CABCOCO1: variants seen among roughly 807,000 people sequenced by gnomAD.
CABCOCO1 encodes the protein ciliary associated calcium binding coiled-coil 1.
A neutral mutation model predicts 35.7 loss-of-function variants in CABCOCO1; 28 were observed. That is an observed-to-expected ratio of 0.78 (90% confidence interval 0.58 to 1.07). The LOEUF is 1.07. Among genes scored for constraint, CABCOCO1 ranks in the 50% least tolerant of loss-of-function variants. CABCOCO1 has a pLI of 0.00. For missense variants in CABCOCO1, 326 were observed against 309.2 expected (o/e 1.05, Z -0.41); for synonymous variants, 95 against 100.1 (o/e 0.95, Z 0.30).
chr10:61,730,616 G>A (rs1190189131), intron 5 of CABCOCO1, among the ~76,000 whole-genome samples: 3 of 151,920 alleles, frequency 2.0e-5, no homozygotes, highest in African/African-American at 4.8e-5. Context: ...TATTTAAAGC[G>A]TGCCAATGTA....
chr10:61,675,936 G>GA (rs907109302), intron 2 of CABCOCO1, among the ~76,000 whole-genome samples: 4 of 151,982 alleles, frequency 2.6e-5, no homozygotes, highest in Non-Finnish European at 5.9e-5. Flanking sequence ...TAGTGAATCA[G>GA]AAAAAATAGT....
chr10:61,758,950 C>T (rs1016753526), intron 5 of CABCOCO1, among the ~76,000 whole-genome samples: 1 of 151,866 alleles, frequency 6.6e-6, no homozygotes, highest in Non-Finnish European at 1.5e-5. Flanking sequence ...TGACATGTAA[C>T]ATATTTATTT....
At chr10:61,671,387 G>T (rs1239502382) in intron 1 of CABCOCO1, among the ~76,000 whole-genome samples, 1 of 152,112 alleles carries the variant, frequency 6.6e-6, no homozygotes, top group African/African-American at 2.4e-5. Flanking sequence ...AAAGCACTTG[G>T]CTGAGGGGTG....
intron 1 of CABCOCO1, among the ~76,000 whole-genome samples, chr10:61,666,339 A>G (rs1173148531): frequency 2.6e-5 from 4 of 152,260 alleles, no homozygotes; most frequent in African/African-American, 9.6e-5. Flanking sequence ...GTAAGTGAAC[A>G]CATTGTAATC....
chr10:61,703,048 C>T (rs921014193), intron 5 of CABCOCO1, among the ~76,000 whole-genome samples: 4 of 151,802 alleles, frequency 2.6e-5, no homozygotes, highest in African/African-American at 9.7e-5. Context: ...GCCTGAACCA[C>T]TAATGACCAC....
At chr10:61,758,131 T>A (rs1841936930) in intron 5 of CABCOCO1, among the ~76,000 whole-genome samples, 1 of 152,050 alleles carries the variant, frequency 6.6e-6, no homozygotes, top group African/African-American at 2.4e-5. Context: ...CCTTTCTCTC[T>A]TCTTTTCAAC....
intron 5 of CABCOCO1, among the ~76,000 whole-genome samples, chr10:61,705,996 T>A (rs771929051): frequency 7.9e-5 from 12 of 152,212 alleles, no homozygotes; most frequent in Non-Finnish European, 1.2e-4. Flanking sequence ...TTAAGCAGCA[T>A]GTGATATTGA....
At chr10:61,700,546 G>T (rs1296538689) in intron 5 of CABCOCO1, among the ~76,000 whole-genome samples, 1 of 152,026 alleles carries the variant, frequency 6.6e-6, no homozygotes, top group Non-Finnish European at 1.5e-5. Context: ...CTCATATATT[G>T]CTGGGAAGAA....
chr10:61,710,086 G>C (rs1454274084), intron 5 of CABCOCO1, among the ~76,000 whole-genome samples: 1 of 151,914 alleles, frequency 6.6e-6, no homozygotes, highest in Non-Finnish European at 1.5e-5. Context: ...AAAACAAGAA[G>C]AAATTTGCCT....
chr10:61,759,932 A>C (rs1165740099), intron 5 of CABCOCO1, 127 bp from the exon 6 acceptor site: 4 of 1,245,416 alleles, frequency 3.2e-6, no homozygotes, highest in Non-Finnish European at 4.4e-6. Flanking sequence ...TGGCATCAAA[A>C]ATTCAAAGGA....
At chr10:61,688,262 A>G (rs1022855850) in intron 4 of CABCOCO1, among the ~76,000 whole-genome samples, 2 of 152,232 alleles carry the variant, frequency 1.3e-5, no homozygotes, top group East Asian at 1.9e-4. Flanking sequence ...TATCAAAAGT[A>G]TAAGTGTTTG....
chr10:61,704,410 C>G (rs1346236905), intron 5 of CABCOCO1, among the ~76,000 whole-genome samples: 2 of 152,192 alleles, frequency 1.3e-5, no homozygotes, highest in African/African-American at 2.4e-5. Context: ...CTCTTGATCT[C>G]TCTCTTGCAC....
chr10:61,732,492 A>G (rs959407114), intron 5 of CABCOCO1, among the ~76,000 whole-genome samples: 1 of 151,964 alleles, frequency 6.6e-6, no homozygotes, highest in African/African-American at 2.4e-5. Flanking sequence ...AACAACTACC[A>G]CCCAAAAGTT....
At position 61,725,621 on chromosome 10, in the gene CABCOCO1, A is replaced by AG. The variant is rs1025440243; in HGVS notation, c.553-34432dup. 1.3e-4 allele frequency among the ~76,000 whole-genome samples: 8 copies of AG among 62,894 alleles called. No individual in the cohort carries two copies. In the South Asian group the frequency reaches 1.7e-3, roughly 13 times the overall value. 41.3% of individuals were successfully genotyped at this position (62,894 alleles called of 152,430 possible). ...ATGGGGCCTGTTGTGGGGTAGGGGG[A>AG]GGGGGGAGGGATAGCATTAGGAGAT... On this transcript the variant is annotated intron_variant, in intron 5 of 7. Transcript: ENST00000648843.
In CABCOCO1 at chr10:61,675,534, C is replaced by A. The variant is rs142779062; in HGVS notation, c.164+2799C>A. On this transcript the variant is annotated intron_variant, in intron 2 of 7. Coordinates refer to ENST00000648843, the MANE Select transcript of CABCOCO1 (RefSeq NM_001366906.2). ...AGTAGTTACTGTCATTCAAACACAA[C>A]TAAACATTGAAAAGTAAAAATAAAA... is the stretch of plus-strand genomic sequence containing the variant. 8.2e-3 allele frequency among the ~76,000 whole-genome samples: 1,248 copies of A among 152,066 alleles called. 17 individuals carry two copies. The highest frequency in any genetic ancestry group is 7.5e-3 in the Non-Finnish European group (511 of 67,998).
At chr10:61,679,970 C>T (rs1839658731) in intron 2 of CABCOCO1, among the ~76,000 whole-genome samples, 1 of 151,802 alleles carries the variant, frequency 6.6e-6, no homozygotes, top group African/African-American at 2.4e-5. Flanking sequence ...AAAATTATAA[C>T]TCTAGAAAAA....
intron 5 of CABCOCO1, among the ~76,000 whole-genome samples, chr10:61,703,746 C>T (rs773431775): frequency 4.6e-4 from 70 of 152,194 alleles, no homozygotes; most frequent in Admixed American, 2.0e-3. Flanking sequence ...CACATATGCA[C>T]GCACATAAAC....
At chr10:61,663,087 C>G (rs966813161) in intron 1 of CABCOCO1, 55 bp downstream of exon 1, 17 of 226,432 alleles carry the variant, frequency 7.5e-5, no homozygotes, top group Admixed American at 2.6e-4. Flanking sequence ...GACCTCCGAG[C>G]GCTCATTCCC....
intron 5 of CABCOCO1, among the ~76,000 whole-genome samples, chr10:61,720,917 C>CTTTTTTTTTTTTTTTTTTCTTTTT (rs1840994059): frequency 1.5e-5 from 1 of 65,974 alleles, no homozygotes; most frequent in Non-Finnish European, 3.0e-5. Context: ...TCTTTTCATT[C>CTTTTTTTTTTTTTTTTTTCTTTTT]TTTTTTTTTT....
Sources: gnomAD v4.1 joint callset for allele counts (sites outside exome capture counted in the v4.1 genomes callset) on GRCh38, gnomAD v4.1.1 for gene constraint, MANE v1.5 for transcripts, NCBI Gene and HGNC (gene_info 2026-07-23, HGNC 2026-07-21) for gene names.